Variants in CCDC6 observed in about 807,000 individuals in gnomAD.
CCDC6 encodes the protein coiled-coil domain-containing protein 6.
Under a neutral mutation model 56.6 loss-of-function variants are expected in CCDC6, and 20 were observed. That is an observed-to-expected ratio of 0.35 (90% CI 0.25 to 0.51). The LOEUF (loss-of-function observed/expected upper bound fraction) is 0.51, where lower values mean the gene tolerates loss of function less well. Ranked by LOEUF, CCDC6 falls within the 20% of genes least tolerant of loss-of-function variation. The pLI, the probability that CCDC6 is intolerant of heterozygous loss-of-function variation, is 0.95. For missense variants in CCDC6, 367 were observed against 601.1 expected, an observed-to-expected ratio of 0.61 and a Z score of 4.07; for synonymous variants, 241 against 234.4, an observed-to-expected ratio of 1.03 and a Z score of -0.26.
At chr10:59,855,768 A>G (rs185003309) in intron 1 of CCDC6, among the ~76,000 whole-genome samples, 4 of 152,296 alleles carry the variant, frequency 2.6e-5, no homozygotes, top group Admixed American at 2.6e-4. Flanking sequence ...TGTGAATTGA[A>G]TTATATCTTG....
chr10:59,905,005 T>G (rs1460085205), intron 1 of CCDC6, among the ~76,000 whole-genome samples: 1 of 152,212 alleles, frequency 6.6e-6, no homozygotes, highest in Non-Finnish European at 1.5e-5. Flanking sequence ...AAGTTCAGCC[T>G]AATCCGCTAT....
intron 1 of CCDC6, 26 bp downstream of exon 1, chr10:59,906,096 G>A: frequency 6.5e-7 from 1 of 1,547,982 alleles, no homozygotes; most frequent in African/African-American, 1.4e-5. Context: ...GGTCGGCGCT[G>A]CGGCGCGTCC....
chr10:59,856,131 A>C (rs2071078987), intron 1 of CCDC6, among the ~76,000 whole-genome samples: 1 of 152,198 alleles, frequency 6.6e-6, no homozygotes, highest in South Asian at 2.1e-4. Flanking sequence ...GGGCTCCTTT[A>C]GCAAAGATTT....
At chr10:59,888,429 C>A (rs2071398466) in intron 1 of CCDC6, among the ~76,000 whole-genome samples, 1 of 152,226 alleles carries the variant, frequency 6.6e-6, no homozygotes, top group South Asian at 2.1e-4. Flanking sequence ...GGAAGCCAGT[C>A]TGCATACCTA....
At chr10:59,869,991 G>T (rs1052892852) in intron 1 of CCDC6, among the ~76,000 whole-genome samples, 1 of 152,112 alleles carries the variant, frequency 6.6e-6, no homozygotes, top group African/African-American at 2.4e-5. Context: ...TGAAGAGGCT[G>T]TCTCAGCCAT....
chr10:59,906,189 G>GT lies in CCDC6; in HGVS notation c.235dup (p.Thr79AsnfsTer28). ...CAGTGCCTTGCACTTCAGTTTGTAG[G>GT]TCTCCAGCTCTATCTTCAGCACCTT... On this transcript the variant is annotated frameshift_variant, in exon 1 of 9. Coordinates refer to ENST00000263102, the MANE Select transcript of CCDC6 (RefSeq NM_005436.5). LOFTEE classifies it high-confidence loss of function. 1 of 1,612,418 alleles carries GT rather than the reference G, an allele frequency of 6.2e-7. No individual in the cohort carries two copies. The highest frequency in any genetic ancestry group is 8.5e-7 in the Non-Finnish European group (1 of 1,179,392).
intron 1 of CCDC6, among the ~76,000 whole-genome samples, chr10:59,888,443 AG>A (rs1244818448): frequency 6.6e-6 from 1 of 152,238 alleles, no homozygotes; most frequent in Non-Finnish European, 1.5e-5. Context: ...ATACCTACTG[AG>A]GGCAGAACCA....
In CCDC6 at chr10:59,832,579, C is replaced by T; in HGVS notation, c.528G>A (p.Lys176=). The T allele has an allele frequency of 6.2e-7, 1 of 1,613,324 alleles. No homozygotes were observed. Among genetic ancestry groups the T allele is most frequent in the South Asian group, 1.1e-5 (1 of 91,028 alleles). ...TGTCATTCTCCAGTTTTTTAATTTT[C>T]TTCATCAGTTTGTTGACCTGAAATT... ...EQEFQVNKLM[K]KIKKLENDTI... The change falls in exon 3 of 9, where the codon AAG becomes AAA. Residue 176 remains lysine, a synonymous_variant. Transcript: ENST00000263102.
Position 59,836,596 on chromosome 10 carries a change from T to C in CCDC6, c.454-3943A>G, listed in dbSNP as rs10994043. 5.6e-3 allele frequency among the ~76,000 whole-genome samples: 853 copies of C among 152,384 alleles called. 5 individuals are homozygous for C. Among genetic ancestry groups the C allele is most frequent in the African/African-American group, 0.018 (767 of 41,594 alleles). ...AATTAATATTTTGAAATGATACTTA[T>C]GTGTCTGCCTTAAATATATATAAAG... On this transcript the variant is annotated intron_variant, in intron 2 of 8. Coordinates refer to ENST00000263102, the MANE Select transcript of CCDC6 (RefSeq NM_005436.5).
intron 3 of CCDC6, among the ~76,000 whole-genome samples, chr10:59,821,991 C>T (rs899960856): frequency 2.6e-5 from 4 of 152,046 alleles, no homozygotes; most frequent in African/African-American, 9.7e-5. Flanking sequence ...AATAGTACAT[C>T]CAAAAACAGC....
intron 2 of CCDC6, among the ~76,000 whole-genome samples, chr10:59,842,235 TG>T (rs1426351851): frequency 2.0e-5 from 3 of 151,974 alleles, no homozygotes; most frequent in Non-Finnish European, 2.9e-5. Context: ...TTAGTAGAGA[TG>T]GGGTTTTACC....
At chr10:59,897,632 C>T (rs1326213262) in intron 1 of CCDC6, among the ~76,000 whole-genome samples, 2 of 152,058 alleles carry the variant, frequency 1.3e-5, no homozygotes, top group Non-Finnish European at 2.9e-5. Context: ...TATGAAACTC[C>T]AGGTATAATT....
At chr10:59,862,793 A>G (rs2071145684) in intron 1 of CCDC6, among the ~76,000 whole-genome samples, 1 of 152,104 alleles carries the variant, frequency 6.6e-6, no homozygotes, top group South Asian at 2.1e-4. Flanking sequence ...GAATTCTTAT[A>G]TAACGTATAT....
intron 1 of CCDC6, among the ~76,000 whole-genome samples, chr10:59,853,031 C>T (rs529130986): frequency 1.3e-5 from 2 of 151,530 alleles, no homozygotes; most frequent in Middle Eastern, 6.8e-3. Flanking sequence ...CAGAAAGATC[C>T]TTCTAATGTA....
At chr10:59,880,896 G>C (rs2071328343) in intron 1 of CCDC6, among the ~76,000 whole-genome samples, 2 of 152,154 alleles carry the variant, frequency 1.3e-5, no homozygotes, top group South Asian at 2.1e-4. Context: ...CTGATGTCCT[G>C]CTATCCAGTC....
intron 1 of CCDC6, among the ~76,000 whole-genome samples, chr10:59,876,073 CTT>C (rs1172379933): frequency 2.1e-5 from 2 of 97,552 alleles, no homozygotes; most frequent in Admixed American, 1.3e-4. Flanking sequence ...GCACAGATGT[CTT>C]TTTTTTTTTT....
chr10:59,807,444 ACTG>A (rs2070635501), intron 5 of CCDC6, among the ~76,000 whole-genome samples: 1 of 152,206 alleles, frequency 6.6e-6, no homozygotes, highest in Non-Finnish European at 1.5e-5. Flanking sequence ...AGACTGAGCT[ACTG>A]CACTTCAGCC....
Position 59,790,279 on chromosome 10 carries a change from G to T in CCDC6, c.*2638C>A, listed in dbSNP as rs1295417231. On this transcript the variant is annotated 3_prime_UTR_variant, in exon 9 of 9. Coordinates refer to ENST00000263102, the MANE Select transcript of CCDC6 (RefSeq NM_005436.5). ...AAATGAAGCTACTGAAGCCCCTGTT[G>T]CTCCCACCTGCCTGCAGGACGGCTA... 1 of 219,604 alleles carries T rather than the reference G, an allele frequency of 4.6e-6. No homozygotes were observed. Among genetic ancestry groups the T allele is most frequent in the Non-Finnish European group, 9.2e-6 (1 of 109,108 alleles). The allele number at this position is 219,604 out of a possible 1,614,324, so 13.6% of individuals were successfully genotyped here.
intron 1 of CCDC6, among the ~76,000 whole-genome samples, chr10:59,854,142 C>T (rs940175082): frequency 3.3e-5 from 5 of 152,196 alleles, no homozygotes; most frequent in African/African-American, 9.6e-5. Context: ...AGGCAGAAGA[C>T]GAAAGGGCAC....
Sources: gnomAD v4.1 joint callset for allele counts (sites outside exome capture counted in the v4.1 genomes callset) on GRCh38, gnomAD v4.1.1 for gene constraint, MANE v1.5 for transcripts, NCBI Gene and HGNC (gene_info 2026-07-23, HGNC 2026-07-21) for gene names.